COTL1: variants seen among roughly 807,000 people sequenced by gnomAD.
The protein encoded by COTL1 is coactosin-like protein.
COTL1 carries 15 observed loss-of-function variants against 16.5 expected under a neutral mutation model. The ratio of observed to expected loss-of-function variants is 0.91; its 90% CI spans 0.61 to 1.40. COTL1 has a LOEUF of 1.40. Among genes scored for constraint, COTL1 ranks in the 40% most tolerant of loss-of-function variants. COTL1 has a pLI of 0.00. For missense variants in COTL1, 220 were observed against 201.5 expected (o/e 1.09, Z -0.56); for synonymous variants, 112 against 85.3 (o/e 1.31, Z -1.73).
chr16:84,617,351 A>G (rs887664731), intron 2 of COTL1, 150 bp downstream of exon 2: 1 of 686,506 alleles, frequency 1.5e-6, no homozygotes, highest in Admixed American at 2.7e-5. Flanking sequence ...ATGAGGCCTT[A>G]AAACGCTCAC....
intron 2 of COTL1, among the ~76,000 whole-genome samples, chr16:84,608,766 C>T (rs759521959): frequency 2.6e-5 from 4 of 152,108 alleles, no homozygotes; most frequent in African/African-American, 4.8e-5. Flanking sequence ...ATGAGCCAGG[C>T]GTGGTAGCAG....
At chr16:84,576,756 T>C (rs1171723824) in intron 3 of COTL1, 3 of 152,196 alleles carry the variant, frequency 2.0e-5, no homozygotes, top group Non-Finnish European at 1.5e-5. Context: ...CCTAGGGCAA[T>C]GGGGAAACCT....
chr16:84,600,080 G>C (rs987449866), intron 2 of COTL1, among the ~76,000 whole-genome samples: 2 of 152,114 alleles, frequency 1.3e-5, no homozygotes, highest in Non-Finnish European at 2.9e-5. Context: ...AAGTTGAAGG[G>C]AGAGCTCTCA....
rs1905555167 is a variant in COTL1 at position 84,618,076 on chromosome 16, A to G, written c.-162T>C. 9.9e-6 allele frequency: 2 copies of G among 201,630 alleles called. No individual in the cohort carries two copies. Among genetic ancestry groups the G allele is most frequent in the Non-Finnish European group, 1.8e-5 (2 of 112,174 alleles). 12.5% of individuals were successfully genotyped at this position (201,630 alleles called of 1,614,324 possible). ...AGCTGCGAGCGCGGCGGCGGCTTCC[A>G]CTGCGGACGGAGAGCGCGCGGGGAC... On this transcript the variant is annotated 5_prime_UTR_variant, in exon 1 of 4. Coordinates refer to ENST00000262428, the MANE Select transcript of COTL1 (RefSeq NM_021149.5).
intron 2 of COTL1, among the ~76,000 whole-genome samples, chr16:84,593,882 C>G (rs1328956042): frequency 6.6e-6 from 1 of 152,190 alleles, no homozygotes; most frequent in African/African-American, 2.4e-5. Context: ...TCTAATTTCA[C>G]CACTCCAACG....
intron 2 of COTL1, 35 bp downstream of exon 2, chr16:84,617,466 G>T: frequency 3.2e-6 from 5 of 1,541,942 alleles, no homozygotes; most frequent in Non-Finnish European, 4.4e-6. Context: ...ACCTCCCAAC[G>T]ACCGCGCATC....
At chr16:84,580,000 C>G (rs949959996) in intron 3 of COTL1, among the ~76,000 whole-genome samples, 1 of 152,202 alleles carries the variant, frequency 6.6e-6, no homozygotes, top group Admixed American at 6.5e-5. Context: ...CGACTGTATA[C>G]CGTGCTAGCG....
At chr16:84,581,125 G>A (rs186241538) in intron 3 of COTL1, among the ~76,000 whole-genome samples, 23 of 129,336 alleles carry the variant, frequency 1.8e-4, no homozygotes, top group African/African-American at 6.2e-4. Flanking sequence ...CTAGGCAACA[G>A]AGTGAGATTC....
chr16:84,587,674 C>T (rs1199454881), intron 3 of COTL1, among the ~76,000 whole-genome samples: 3 of 152,018 alleles, frequency 2.0e-5, no homozygotes, highest in African/African-American at 2.4e-5. Flanking sequence ...ACAGCAAAGC[C>T]GAAAGGCAGG....
intron 2 of COTL1, among the ~76,000 whole-genome samples, chr16:84,605,805 T>C (rs1276235429): frequency 1.3e-5 from 2 of 152,260 alleles, no homozygotes; most frequent in Non-Finnish European, 2.9e-5. Flanking sequence ...TGCAGAACTA[T>C]AAGATGATGC....
At chr16:84,614,972 G>A (rs1260658969) in intron 2 of COTL1, among the ~76,000 whole-genome samples, 4 of 152,092 alleles carry the variant, frequency 2.6e-5, no homozygotes, top group African/African-American at 4.8e-5. Context: ...CTGGGCCTCC[G>A]TTTCCTCATC....
intron 2 of COTL1, chr16:84,616,492 G>C (rs1182433672): frequency 7.0e-6 from 1 of 143,382 alleles, no homozygotes; most frequent in Non-Finnish European, 1.5e-5. Context: ...AAAAGAGGAA[G>C]ATTCTGTCTC....
intron 3 of COTL1, among the ~76,000 whole-genome samples, chr16:84,582,388 C>G (rs1211064607): frequency 6.6e-6 from 1 of 152,170 alleles, no homozygotes; most frequent in Non-Finnish European, 1.5e-5. Context: ...AAGCAATCCA[C>G]CTGCTCCAGC....
At chr16:84,570,302 T>C (rs1904319687) in intron 3 of COTL1, among the ~76,000 whole-genome samples, 1 of 151,926 alleles carries the variant, frequency 6.6e-6, no homozygotes, top group Non-Finnish European at 1.5e-5. Context: ...TTTGATAAGG[T>C]CTAAGAAATC....
intron 3 of COTL1, among the ~76,000 whole-genome samples, chr16:84,579,238 T>A (rs1186075154): frequency 1.3e-5 from 2 of 152,268 alleles, no homozygotes; most frequent in African/African-American, 4.8e-5. Context: ...GGCTCATGCC[T>A]GTAATCCCAG....
chr16:84,616,834 CT>C (rs1327868540), intron 2 of COTL1, among the ~76,000 whole-genome samples: 2 of 152,184 alleles, frequency 1.3e-5, no homozygotes, highest in Non-Finnish European at 2.9e-5. Flanking sequence ...GCATAACCCC[CT>C]CCCAGATCAA....
In COTL1 at chr16:84,580,721, T is replaced by C. The variant is rs528316896; in HGVS notation, c.318+9384A>G. On this transcript the variant is annotated intron_variant, in intron 3 of 3. Coordinates refer to ENST00000262428, the MANE Select transcript of COTL1 (RefSeq NM_021149.5). ...AAGCCTCAGTTTCCTCATCTGTATA[T>C]TGGGGTCAGTACAGCCCCCGGCTCA... 4.6e-5 allele frequency among the ~76,000 whole-genome samples: 7 copies of C among 152,330 alleles called. No individual in the cohort carries two copies. The East Asian group carries it at 9.6e-4, about 21-fold the overall frequency.
At chr16:84,589,671 T>G (rs1479878497) in intron 3 of COTL1, among the ~76,000 whole-genome samples, 1 of 152,072 alleles carries the variant, frequency 6.6e-6, no homozygotes. Flanking sequence ...TTTTCTTTAA[T>G]GGCCAGAATG....
chr16:84,579,201 C>T (rs1904522020), intron 3 of COTL1, among the ~76,000 whole-genome samples: 1 of 152,194 alleles, frequency 6.6e-6, no homozygotes, highest in Admixed American at 6.5e-5. Flanking sequence ...TTGGCCATTA[C>T]AATAATAGAA....
Sources: allele counts gnomAD v4.1 joint callset (sites outside exome capture counted in the v4.1 genomes callset), GRCh38; gene constraint gnomAD v4.1.1; transcripts MANE v1.5; gene names NCBI Gene and HGNC (gene_info 2026-07-23, HGNC 2026-07-21).